Variants in ADK observed in about 807,000 individuals in gnomAD.
ADK encodes the protein N6,N6-dimethyladenosine kinase.
Under a neutral mutation model 44.7 loss-of-function variants are expected in ADK, and 24 were observed. That is an observed-to-expected ratio of 0.54 (90% CI 0.39 to 0.76). ADK has a LOEUF of 0.76. Among genes scored for constraint, ADK ranks in the 30% least tolerant of loss-of-function variants. ADK has a pLI of 0.00. For synonymous variants in ADK, 128 were observed against 142.6 expected, an observed-to-expected ratio of 0.90 and a Z score of 0.73; for missense variants, 321 against 425.1, an observed-to-expected ratio of 0.76 and a Z score of 2.15.
intron 6 of ADK, among the ~76,000 whole-genome samples, chr10:74,399,126 A>T (rs1468422843): frequency 6.6e-6 from 1 of 151,926 alleles, no homozygotes; most frequent in Non-Finnish European, 1.5e-5. Flanking sequence ...TGACACAAAA[A>T]TAATTGGTTA....
At chr10:74,229,579 A>G (rs1333072802) in intron 3 of ADK, among the ~76,000 whole-genome samples, 1 of 151,744 alleles carries the variant, frequency 6.6e-6, no homozygotes, top group African/African-American at 2.4e-5. Context: ...TTGTATTCCT[A>G]GTAGAGAAAG....
intron 6 of ADK, among the ~76,000 whole-genome samples, chr10:74,472,403 A>T (rs1397248112): frequency 1.3e-5 from 2 of 152,096 alleles, no homozygotes; most frequent in Non-Finnish European, 2.9e-5. Flanking sequence ...TTTCTGCATC[A>T]ATAGAGATGT....
chr10:74,525,411 T>G lies in ADK; in HGVS notation c.711T>G (p.Leu237=). The G allele has an allele frequency of 1.2e-6, 2 of 1,612,866 alleles. No homozygotes were observed. The highest frequency in any genetic ancestry group is 2.2e-5 in the South Asian group (2 of 91,068). ...AAGTTATGCCTTATGTTGATATACTTTTTGGAAATGAGACAGTGAGTTACC... is the reference window on the plus strand; with the variant it reads ...AAGTTATGCCTTATGTTGATATACTGTTTGGAAATGAGACAGTGAGTTACC... ...LMKVMPYVDI[L]FGNETEAATF... The change falls in exon 7 of 11, where the codon CTT becomes CTG. Residue 237 remains leucine, a synonymous_variant. Coordinates refer to ENST00000539909, the MANE Select transcript of ADK (RefSeq NM_006721.4).
chr10:74,423,632 C>G (rs754400720), intron 6 of ADK: 1 of 375,546 alleles, frequency 2.7e-6, no homozygotes, highest in Non-Finnish European at 5.2e-6. Flanking sequence ...TCCTGTGCTT[C>G]GTGGAATTCT....
intron 6 of ADK, among the ~76,000 whole-genome samples, chr10:74,472,704 T>A (rs1846643994): frequency 6.6e-6 from 1 of 152,200 alleles, no homozygotes; most frequent in Non-Finnish European, 1.5e-5. Context: ...TGTAGCCACT[T>A]ATCAAGTGCT....
At chr10:74,496,177 G>A (rs1403910056) in intron 6 of ADK, among the ~76,000 whole-genome samples, 1 of 152,210 alleles carries the variant, frequency 6.6e-6, no homozygotes, top group African/African-American at 2.4e-5. Context: ...TGCAGTCACA[G>A]CTCACTTCAG....
chr10:74,476,155 A>G (rs1846828259), intron 6 of ADK, among the ~76,000 whole-genome samples: 1 of 152,092 alleles, frequency 6.6e-6, no homozygotes, highest in South Asian at 2.1e-4. Flanking sequence ...ATTATTTGAC[A>G]TGTATTTACT....
At chr10:74,590,368 G>A (rs1383940071) in intron 8 of ADK, among the ~76,000 whole-genome samples, 1 of 152,156 alleles carries the variant, frequency 6.6e-6, no homozygotes, top group Admixed American at 6.6e-5. Flanking sequence ...GAACTCTAGA[G>A]AAAGATATTA....
intron 10 of ADK, among the ~76,000 whole-genome samples, chr10:74,677,654 T>A (rs1232854597): frequency 2.0e-5 from 3 of 152,146 alleles, no homozygotes; most frequent in African/African-American, 7.2e-5. Context: ...ATGACCCACA[T>A]CTGCTGAGGA....
chr10:74,232,194 G>A (rs560005177), intron 3 of ADK, among the ~76,000 whole-genome samples: 1 of 152,124 alleles, frequency 6.6e-6, no homozygotes, highest in East Asian at 1.9e-4. Context: ...TAAAACTTCG[G>A]AAAGATTTGC....
At chr10:74,584,451 T>C (rs1259347378) in intron 7 of ADK, among the ~76,000 whole-genome samples, 2 of 152,160 alleles carry the variant, frequency 1.3e-5, no homozygotes, top group East Asian at 3.8e-4. Flanking sequence ...CTAGACCCTG[T>C]ACTCTTTCCA....
chr10:74,467,517 A>T lies in ADK; in HGVS notation c.556-57739A>T, dbSNP rs1846405055. Among the ~76,000 whole-genome samples, 4 of 152,110 alleles carry T rather than the reference A, an allele frequency of 2.6e-5. No individual in the cohort carries two copies. The South Asian group carries it at 8.3e-4, about 31-fold the overall frequency. The stretch of plus-strand genomic sequence containing the variant: ...AGAATTCAAAAGAATAAGATAAAAA[A>T]TTTTTACTTAATACATTCATTTCTG... On this transcript the variant is annotated intron_variant, in intron 6 of 10. Coordinates refer to ENST00000539909, the MANE Select transcript of ADK (RefSeq NM_006721.4).
rs144103594 is a variant in ADK at position 74,677,745 on chromosome 10, T to C, written c.964+7476T>C. On this transcript the variant is annotated intron_variant, in intron 10 of 10. Coordinates refer to ENST00000539909, the MANE Select transcript of ADK (RefSeq NM_006721.4). ...ACAACTCTTTTTCTTGTCTTTCTGC[T>C]CTAATGGGACATCTTCTCTGTTTTA... 5.2e-3 allele frequency among the ~76,000 whole-genome samples: 791 copies of C among 152,170 alleles called. 14 individuals carry two copies. Among genetic ancestry groups the C allele is most frequent in the Admixed American group, 0.018 (273 of 15,272 alleles).
chr10:74,406,098 G>A (rs952648048), intron 6 of ADK, among the ~76,000 whole-genome samples: 4 of 152,146 alleles, frequency 2.6e-5, no homozygotes, highest in Admixed American at 6.5e-5. Flanking sequence ...ATAAACTGCT[G>A]TAGTCATATG....
At chr10:74,220,622 T>A (rs1017687994) in intron 2 of ADK, among the ~76,000 whole-genome samples, 14 of 152,178 alleles carry the variant, frequency 9.2e-5, no homozygotes, top group African/African-American at 3.4e-4. Context: ...AAATCCTCAA[T>A]AAAATACTGG....
intron 6 of ADK, among the ~76,000 whole-genome samples, chr10:74,471,307 C>T (rs1846581223): frequency 6.6e-6 from 1 of 152,098 alleles, no homozygotes; most frequent in African/African-American, 2.4e-5. Flanking sequence ...ATCTCCTGAC[C>T]TCGTGATCCA....
At chr10:74,161,530 T>G (rs1303742644) in intron 1 of ADK, among the ~76,000 whole-genome samples, 2 of 151,756 alleles carry the variant, frequency 1.3e-5, no homozygotes, top group African/African-American at 4.9e-5. Flanking sequence ...AAATTTTAAT[T>G]AATTTTTTTT....
At chr10:74,195,914 C>G (rs7083534) in intron 1 of ADK, among the ~76,000 whole-genome samples, 26,472 of 151,426 alleles carry the variant, frequency 0.17, 2,746 homozygotes, top group African/African-American at 0.29. Context: ...TGTGCAGAGG[C>G]AATGCGCCCG....
intron 9 of ADK, among the ~76,000 whole-genome samples, chr10:74,607,094 C>A (rs1405098652): frequency 6.6e-6 from 1 of 152,050 alleles, no homozygotes; most frequent in Non-Finnish European, 1.5e-5. Flanking sequence ...GTAAATATTC[C>A]TCCATCCCTT....
Sources: allele counts gnomAD v4.1 joint callset (sites outside exome capture counted in the v4.1 genomes callset), GRCh38; gene constraint gnomAD v4.1.1; transcripts MANE v1.5; gene names NCBI Gene and HGNC (gene_info 2026-07-23, HGNC 2026-07-21).